The following JMJD1C variants were observed in gnomAD, a reference collection of about 807,000 sequenced individuals.
JMJD1C encodes jumonji domain-containing protein 1C.
A neutral mutation model predicts 245.3 loss-of-function variants in JMJD1C; 31 were observed. The observed-to-expected ratio is 0.13, with a 90% CI of 0.09 to 0.17. The LOEUF is 0.17. JMJD1C is among the 10% of genes least tolerant of loss of function. The pLI is 1.00. For missense variants in JMJD1C, 2,691 were observed against 3,000.2 expected (o/e 0.90, Z 2.41); for synonymous variants, 1,057 against 1,017.4 (o/e 1.04, Z -0.74).
In JMJD1C at chr10:63,204,596, A is replaced by G. The variant is rs576141528; in HGVS notation, c.5074+1999T>C. The G allele has an allele frequency of 8.1e-6, 8 of 985,326 alleles. No homozygotes were observed. In the East Asian group the frequency reaches 9.1e-4, roughly 112 times the overall value. The allele number at this position is 985,326 out of a possible 1,614,324, so 61.0% of individuals were successfully genotyped here. On this transcript the variant is annotated intron_variant, in intron 10 of 25. Coordinates refer to ENST00000399262, the MANE Select transcript of JMJD1C (RefSeq NM_032776.3). ...CAATTAAATTGCTCACACTAAGCCT[A>G]TTATGAATTCATGGGGGTAGTGAGG...
chr10:63,214,804 G>C lies in JMJD1C; in HGVS notation c.1363C>G (p.Gln455Glu). ...TGAATAATCATATCTTCTTGAAGCT[G>C]AGTGTCAACAGACTTCCGCTTCTCT... ...EAEKRKSVDT[Q>E]LQEDMIIHSS... Residue 455 changes from glutamine to glutamate, a missense_variant, in exon 8 of 26, where the codon CAG (glutamine) becomes GAG (glutamate). By Grantham distance (29) the Gln-to-Glu change is conservative. Around this residue, in one of 9 missense-constraint regions of JMJD1C, gnomAD observed 1,562 missense variants for 1,490.7 expected, o/e 1.05. Transcript: ENST00000399262. 2 of 1,613,766 alleles carry C rather than the reference G, an allele frequency of 1.2e-6. No individual in the cohort carries two copies. Among genetic ancestry groups the C allele is most frequent in the Non-Finnish European group, 1.7e-6 (2 of 1,179,858 alleles).
chr10:63,422,624 T>TA (rs1439708029), intron 1 of JMJD1C, among the ~76,000 whole-genome samples: 1 of 152,176 alleles, frequency 6.6e-6, no homozygotes, highest in Non-Finnish European at 1.5e-5. Flanking sequence ...CAATGAACAT[T>TA]AAACGTACTG....
chr10:63,201,065 CTCTT>C (rs1374309904), intron 10 of JMJD1C, among the ~76,000 whole-genome samples: 1 of 152,140 alleles, frequency 6.6e-6, no homozygotes, highest in East Asian at 1.9e-4. Flanking sequence ...TAGGAGAAAG[CTCTT>C]TCAAGATCCA....
At chr10:63,397,423 G>C (rs1948577463) in intron 1 of JMJD1C, among the ~76,000 whole-genome samples, 2 of 152,206 alleles carry the variant, frequency 1.3e-5, no homozygotes, top group Admixed American at 6.5e-5. Context: ...TTGTTGGCCA[G>C]GCTGGTCTTG....
intron 1 of JMJD1C, among the ~76,000 whole-genome samples, chr10:63,404,974 T>C (rs906213336): frequency 6.6e-6 from 1 of 152,168 alleles, no homozygotes; most frequent in African/African-American, 2.4e-5. Context: ...AGCTGCAATG[T>C]TTAAGGATCA....
At chr10:63,234,510 A>C (rs1175372552) in intron 3 of JMJD1C, among the ~76,000 whole-genome samples, 3 of 149,822 alleles carry the variant, frequency 2.0e-5, no homozygotes, top group Non-Finnish European at 1.5e-5. Context: ...AAAAAAAAAA[A>C]AAAAAAAAAA....
At chr10:63,208,852 A>ATG in intron 9 of JMJD1C, 51 bp from the exon 10 acceptor site, 1 of 1,410,730 alleles carries the variant, frequency 7.1e-7, no homozygotes, top group Non-Finnish European at 9.6e-7. Context: ...CCTGCAAAAT[A>ATG]CAAAGACAGC....
intron 3 of JMJD1C, among the ~76,000 whole-genome samples, chr10:63,255,144 C>A (rs147023356): frequency 5.8e-4 from 89 of 152,318 alleles, no homozygotes; most frequent in Admixed American, 1.7e-3. Context: ...CCATACCCAA[C>A]ACAGGTTCTT....
chr10:63,234,759 C>T (rs1308508316), intron 3 of JMJD1C, among the ~76,000 whole-genome samples: 1 of 145,416 alleles, frequency 6.9e-6, no homozygotes, highest in East Asian at 2.6e-4. Flanking sequence ...ATAGTGAGAC[C>T]CTGTCTCTAT....
chr10:63,466,031 G>GCGCGGGCGGGGCAGCAGC (rs982702647), upstream of JMJD1C: 27 of 242,786 alleles, frequency 1.1e-4, no homozygotes, highest in Non-Finnish European at 1.9e-4. Flanking sequence ...CCTTCCGCCG[G>GCGCGGGCGGGGCAGCAGC]CGCGGGCGGG....
chr10:63,271,627 C>A (rs1023537383), intron 2 of JMJD1C, among the ~76,000 whole-genome samples: 2 of 152,096 alleles, frequency 1.3e-5, no homozygotes, highest in South Asian at 4.1e-4. Context: ...TCTTGCCTCA[C>A]TGCAACCACT....
chr10:63,178,185 C>T (rs1843039842), intron 22 of JMJD1C, among the ~76,000 whole-genome samples: 1 of 152,184 alleles, frequency 6.6e-6, no homozygotes, highest in Non-Finnish European at 1.5e-5. Context: ...AGGCAATCCA[C>T]CTGCTTGGGC....
At chr10:63,403,356 G>A (rs1261533761) in intron 1 of JMJD1C, among the ~76,000 whole-genome samples, 2 of 152,236 alleles carry the variant, frequency 1.3e-5, no homozygotes, top group Non-Finnish European at 1.5e-5. Flanking sequence ...TAATAAAGGT[G>A]GTACTTAAAA....
At chr10:63,173,369 G>T (rs1446948089) in intron 24 of JMJD1C, among the ~76,000 whole-genome samples, 1 of 152,100 alleles carries the variant, frequency 6.6e-6, no homozygotes. Flanking sequence ...CAACAATTTT[G>T]TAGATACTAT....
At chr10:63,487,235 T>C (rs201535316) in intron 1 of JMJD1C, among the ~76,000 whole-genome samples, 1 of 152,160 alleles carries the variant, frequency 6.6e-6, no homozygotes, top group South Asian at 2.1e-4. Context: ...AAGGACCCAG[T>C]TGAAATTACA....
intron 1 of JMJD1C, among the ~76,000 whole-genome samples, chr10:63,461,506 A>C (rs1952798301): frequency 6.6e-6 from 1 of 152,232 alleles, no homozygotes; most frequent in South Asian, 2.1e-4. Context: ...GGTTTTATTT[A>C]TATGCGAAAT....
At chr10:63,203,137 G>C (rs933629707) in intron 10 of JMJD1C, 2 of 984,746 alleles carry the variant, frequency 2.0e-6, no homozygotes, top group Admixed American at 1.2e-4. Flanking sequence ...TTCATACGTA[G>C]AGCTTTTGAT....
At chr10:63,392,867 A>AAC (rs34778084) in intron 1 of JMJD1C, among the ~76,000 whole-genome samples, 12,909 of 112,020 alleles carry the variant, frequency 0.12, 746 homozygotes, top group Middle Eastern at 0.13. Flanking sequence ...AAAGTACATA[A>AAC]ACACACACAC....
At chr10:63,351,733 C>A (rs1266638773) in intron 2 of JMJD1C, among the ~76,000 whole-genome samples, 4 of 152,068 alleles carry the variant, frequency 2.6e-5, no homozygotes, top group Admixed American at 6.5e-5. Context: ...AGAAGTAAAC[C>A]TACCCTAATT....
Sources: allele counts gnomAD v4.1 joint callset (sites outside exome capture counted in the v4.1 genomes callset), GRCh38; gene constraint gnomAD v4.1.1; regional missense constraint gnomAD v4.1.1; transcripts MANE v1.5; gene names NCBI Gene and HGNC (gene_info 2026-07-23, HGNC 2026-07-21).